Variants in ARHGAP32 observed in about 807,000 individuals in gnomAD.
ARHGAP32 encodes the protein rho GTPase-activating protein 32.
ARHGAP32 carries 51 observed loss-of-function variants against 186.5 expected under a neutral mutation model. That is an observed-to-expected ratio of 0.27 (90% CI 0.22 to 0.35). ARHGAP32 has a LOEUF of 0.35. Among genes scored for constraint, ARHGAP32 ranks in the 10% least tolerant of loss-of-function variants. The pLI is 1.00. For missense variants in ARHGAP32, 2,186 were observed against 2,623.5 expected, an observed-to-expected ratio of 0.83 and a Z score of 3.64; for synonymous variants, 950 against 964.3, an observed-to-expected ratio of 0.99 and a Z score of 0.27.
chr11:129,145,159 G>A (rs1004421040), intron 2 of ARHGAP32, among the ~76,000 whole-genome samples: 1 of 151,908 alleles, frequency 6.6e-6, no homozygotes, highest in East Asian at 1.9e-4. Context: ...TTATACAAAG[G>A]TTCCTATGAA....
intron 1 of ARHGAP32, among the ~76,000 whole-genome samples, chr11:129,264,956 G>C (rs930355702): frequency 7.9e-5 from 12 of 152,152 alleles, no homozygotes; most frequent in African/African-American, 2.9e-4. Context: ...ATGAAAGCCA[G>C]CTTAACTGCC....
chr11:129,147,961 A>G (rs1041562812), intron 2 of ARHGAP32, among the ~76,000 whole-genome samples: 8 of 152,268 alleles, frequency 5.3e-5, no homozygotes, highest in Non-Finnish European at 1.2e-4. Context: ...CAATAAGGAA[A>G]GCATCATGAT....
At chr11:129,073,747 T>G in intron 6 of ARHGAP32, among the ~76,000 whole-genome samples, 1 of 129,928 alleles carries the variant, frequency 7.7e-6, no homozygotes, top group African/African-American at 3.2e-5. Flanking sequence ...TGCATCACCC[T>G]CCTCAAAAAA....
chr11:129,238,853 G>T (rs1026438844), intron 1 of ARHGAP32, among the ~76,000 whole-genome samples: 1 of 149,688 alleles, frequency 6.7e-6, no homozygotes. Context: ...AATTTTTTTT[G>T]AAACAGGGTC....
Position 128,972,738 on chromosome 11 carries a change from G to A in ARHGAP32, c.3768C>T (p.Ser1256=), listed in dbSNP as rs946433253. 1.9e-6 allele frequency: 3 copies of A among 1,613,836 alleles called. No individual in the cohort carries two copies. Among genetic ancestry groups the A allele is most frequent in the African/African-American group, 1.3e-5 (1 of 74,860 alleles). ...DKSPTPPNLP[S]DKIYPPSGSP... ...ACCCAGAAGGAGGGTAGATTTTATC[G>A]CTAGGTAAATTAGGAGGTGTGGGAG... The change falls in exon 22 of 23, where the codon AGC becomes AGT. Residue 1256 remains serine, a synonymous_variant. Transcript: ENST00000682385.
intron 6 of ARHGAP32, among the ~76,000 whole-genome samples, chr11:129,092,007 A>T (rs1941590889): frequency 6.6e-6 from 1 of 152,060 alleles, no homozygotes; most frequent in Non-Finnish European, 1.5e-5. Flanking sequence ...CAAATGCATT[A>T]TTACAATGCA....
At chr11:129,228,296 A>C (rs1474394666) in intron 1 of ARHGAP32, among the ~76,000 whole-genome samples, 1 of 152,168 alleles carries the variant, frequency 6.6e-6, no homozygotes, top group Non-Finnish European at 1.5e-5. Flanking sequence ...CAATAACCTA[A>C]AATTTAAAAA....
At chr11:129,109,555 G>T (rs1426460878) in intron 5 of ARHGAP32, among the ~76,000 whole-genome samples, 1 of 151,870 alleles carries the variant, frequency 6.6e-6, no homozygotes, top group East Asian at 1.9e-4. Flanking sequence ...TGTTTAAGAG[G>T]TCCCTTTTCT....
At chr11:129,034,747 GAGAGAGAA>G (rs1939257679) in intron 11 of ARHGAP32, among the ~76,000 whole-genome samples, 1 of 144,808 alleles carries the variant, frequency 6.9e-6, no homozygotes, top group Non-Finnish European at 1.5e-5. Flanking sequence ...AAAAAAAAGA[GAGAGAGAA>G]AAAAAGAAAA....
Position 129,040,910 on chromosome 11 carries a change from T to A in ARHGAP32, c.1045+18A>T. On this transcript the variant is annotated intron_variant, in intron 11 of 22. Coordinates refer to ENST00000682385, the MANE Select transcript of ARHGAP32 (RefSeq NM_001378024.1). The stretch of plus-strand genomic sequence containing the variant: ...GCAGTTGATAAAATAACTACACTAG[T>A]GAAAAAAGTGTACTCACCTGGTTTT... The A allele has an allele frequency of 6.3e-7, 1 of 1,578,140 alleles. No homozygotes were observed. The highest frequency in any genetic ancestry group is 8.6e-7 in the Non-Finnish European group (1 of 1,156,188).
At chr11:129,138,153 T>G (rs913576459) in intron 2 of ARHGAP32, among the ~76,000 whole-genome samples, 1 of 152,028 alleles carries the variant, frequency 6.6e-6, no homozygotes, top group South Asian at 2.1e-4. Flanking sequence ...TAATAAAAAC[T>G]GAAGCCCTGA....
upstream of ARHGAP32, among the ~76,000 whole-genome samples, chr11:129,194,730 G>A (rs546131221): frequency 5.3e-5 from 8 of 151,676 alleles, no homozygotes; most frequent in East Asian, 1.6e-3. Context: ...TCCAGCCTGG[G>A]CAACAAGAGT....
chr11:129,242,812 C>T (rs4320959), intron 1 of ARHGAP32, among the ~76,000 whole-genome samples: 148,593 of 151,928 alleles, frequency 0.98, 72,680 homozygotes, highest in African/African-American at 0.99. Context: ...TTTTTTTGGA[C>T]ACACCTCTGT....
intron 6 of ARHGAP32, among the ~76,000 whole-genome samples, chr11:129,067,560 C>CTT (rs1031338247): frequency 1.8e-4 from 28 of 152,136 alleles, no homozygotes; most frequent in African/African-American, 6.7e-4. Flanking sequence ...TGTGCCTTGC[C>CTT]TTTGAACTCC....
intron 11 of ARHGAP32, among the ~76,000 whole-genome samples, chr11:129,012,036 T>C (rs1050732092): frequency 3.3e-5 from 5 of 152,174 alleles, no homozygotes; most frequent in Non-Finnish European, 5.9e-5. Context: ...ATGTGAAACT[T>C]CCCTGAGTGT....
intron 2 of ARHGAP32, among the ~76,000 whole-genome samples, chr11:129,129,129 G>A (rs1432583322): frequency 2.0e-5 from 3 of 151,904 alleles, no homozygotes; most frequent in Non-Finnish European, 2.9e-5. Flanking sequence ...ACCCCGTCTG[G>A]GAACTGAGGA....
chr11:129,028,744 AGAG>A lies in ARHGAP32; in HGVS notation c.1045+12181_1045+12183del, dbSNP rs370910850. On this transcript the variant is annotated intron_variant, in intron 11 of 22. Coordinates refer to ENST00000682385, the MANE Select transcript of ARHGAP32 (RefSeq NM_001378024.1). ...ATTTGCACTAGTGGACTAGTGGTGG[AGAG>A]GAGATGGGATTAGGGAGAGGTGGGT... 2.8e-3 allele frequency among the ~76,000 whole-genome samples: 420 copies of A among 152,304 alleles called. 6 individuals carry two copies. In the South Asian group the frequency reaches 0.044, roughly 16 times the overall value.
intron 11 of ARHGAP32, among the ~76,000 whole-genome samples, chr11:129,028,048 T>C (rs372946526): frequency 1.4e-4 from 21 of 152,368 alleles, no homozygotes; most frequent in Non-Finnish European, 2.2e-4. Context: ...GAAACATTTT[T>C]GGTAACTATA....
intron 9 of ARHGAP32, among the ~76,000 whole-genome samples, chr11:129,063,202 T>A (rs897810811): frequency 2.0e-5 from 3 of 148,696 alleles, no homozygotes; most frequent in Non-Finnish European, 4.5e-5. Context: ...TGTAAAGCCA[T>A]ATATGCTAAC....
Sources: gnomAD v4.1 joint callset for allele counts (sites outside exome capture counted in the v4.1 genomes callset) on GRCh38, gnomAD v4.1.1 for gene constraint, MANE v1.5 for transcripts, NCBI Gene and HGNC (gene_info 2026-07-23, HGNC 2026-07-21) for gene names.